Variants in MBD2 observed in about 807,000 individuals in gnomAD.
MBD2 encodes methyl-CpG-binding domain protein 2.
MBD2 carries 9 observed loss-of-function variants against 39.3 expected under a neutral mutation model. The ratio of observed to expected loss-of-function variants is 0.23; its 90% confidence interval spans 0.14 to 0.40. MBD2 has a LOEUF of 0.40. MBD2 is among the 10% of genes least tolerant of loss of function. The pLI, the probability that MBD2 is intolerant of heterozygous loss-of-function variation, is 1.00. For missense variants in MBD2, 458 were observed against 532.6 expected (o/e 0.86, Z 1.38); for synonymous variants, 233 against 211.1 (o/e 1.10, Z -0.90).
At chr18:54,202,622 T>C in intron 2 of MBD2, 3 of 731,706 alleles carry the variant, frequency 4.1e-6, no homozygotes, top group Non-Finnish European at 5.2e-6. Flanking sequence ...AGACCATGCC[T>C]CCAAAAATTA....
At chr18:54,179,518 T>C (rs990859291) in intron 3 of MBD2, among the ~76,000 whole-genome samples, 1 of 152,212 alleles carries the variant, frequency 6.6e-6, no homozygotes. Flanking sequence ...TACAACCACA[T>C]TGGGCTTACT....
chr18:54,199,295 A>G (rs1599097870), intron 2 of MBD2, among the ~76,000 whole-genome samples: 1 of 152,148 alleles, frequency 6.6e-6, no homozygotes, highest in Non-Finnish European at 1.5e-5. Flanking sequence ...GGCTAGACAA[A>G]GTCTTTATCC....
chr18:54,177,543 C>A (rs573722819), intron 3 of MBD2, among the ~76,000 whole-genome samples: 2 of 151,822 alleles, frequency 1.3e-5, no homozygotes, highest in Non-Finnish European at 2.9e-5. Flanking sequence ...TGCAGTGGCG[C>A]GATCTCGGCT....
chr18:54,200,059 ATAC>A lies in MBD2; in HGVS notation c.702+4936_702+4938del, dbSNP rs1451729453. Among the ~76,000 whole-genome samples, 4 of 152,346 alleles carry A rather than the reference ATAC, an allele frequency of 2.6e-5. No homozygotes were observed. The East Asian group carries it at 7.7e-4, about 29-fold the overall frequency. On this transcript the variant is annotated intron_variant, in intron 2 of 6. Transcript: ENST00000256429. ...AGTGTGTATTTATACTCACAAAAACATACTACCACCTTAAACCAAGATCATTCA... is the reference window on the plus strand; with the variant it reads ...AGTGTGTATTTATACTCACAAAAACATACCACCTTAAACCAAGATCATTCA...
intron 2 of MBD2, among the ~76,000 whole-genome samples, chr18:54,192,202 G>A (rs2086324694): frequency 6.6e-6 from 1 of 152,174 alleles, no homozygotes. Context: ...GGTATAATCA[G>A]TATGTATCAC....
intron 3 of MBD2, among the ~76,000 whole-genome samples, chr18:54,183,382 A>G (rs1427883414): frequency 6.6e-6 from 1 of 152,242 alleles, no homozygotes; most frequent in African/African-American, 2.4e-5. Flanking sequence ...AAAAGAATGC[A>G]TAGTATTCCC....
chr18:54,189,223 CTT>C (rs369129707), intron 2 of MBD2, among the ~76,000 whole-genome samples: 13 of 133,910 alleles, frequency 9.7e-5, no homozygotes, highest in African/African-American at 1.1e-4. Context: ...TTTTTGTATA[CTT>C]TTTTTTTTTT....
chr18:54,223,993 C>T (rs1279317225), intron 1 of MBD2, 25 bp downstream of exon 1: 3 of 1,556,118 alleles, frequency 1.9e-6, no homozygotes, highest in Admixed American at 1.7e-5. Flanking sequence ...ACCCCGCCAC[C>T]CCCTCCCCGC....
intron 1 of MBD2, among the ~76,000 whole-genome samples, chr18:54,222,691 A>C (rs559444415): frequency 4.2e-4 from 64 of 152,382 alleles, no homozygotes; most frequent in South Asian, 1.7e-3. Flanking sequence ...CAAGTGGAAG[A>C]CTAAGTTCTA....
chr18:54,195,908 A>G (rs1342152685), intron 2 of MBD2, among the ~76,000 whole-genome samples: 4 of 152,204 alleles, frequency 2.6e-5, no homozygotes, highest in Non-Finnish European at 5.9e-5. Flanking sequence ...GGTGTGCCTG[A>G]GTGATACCTT....
intron 6 of MBD2, among the ~76,000 whole-genome samples, chr18:54,157,078 G>GGACAGTAGA (rs2086057407): frequency 6.6e-6 from 1 of 151,930 alleles, no homozygotes; most frequent in South Asian, 2.1e-4. Context: ...CTGCAGCCGT[G>GGACAGTAGA]GACAGTAGAA....
chr18:54,186,292 C>G (rs2086285925), intron 3 of MBD2, among the ~76,000 whole-genome samples: 1 of 152,242 alleles, frequency 6.6e-6, no homozygotes, highest in Admixed American at 6.5e-5. Context: ...AATTCATTTA[C>G]TCTCTAATAA....
chr18:54,223,216 G>C (rs1293447496), intron 1 of MBD2, among the ~76,000 whole-genome samples: 2 of 152,242 alleles, frequency 1.3e-5, no homozygotes, highest in East Asian at 3.9e-4. Flanking sequence ...GCATGACCAC[G>C]GGATTGCAAG....
At chr18:54,164,861 A>T (rs1475021594) in intron 4 of MBD2, among the ~76,000 whole-genome samples, 161 bp from the exon 5 acceptor site, 2 of 152,254 alleles carry the variant, frequency 1.3e-5, no homozygotes, top group African/African-American at 4.8e-5. Flanking sequence ...CTTAATAGAT[A>T]TGACACACTA....
chr18:54,169,787 TAGGTATAAGGAAC>T (rs1215486513), intron 3 of MBD2, among the ~76,000 whole-genome samples: 1 of 152,158 alleles, frequency 6.6e-6, no homozygotes, highest in Non-Finnish European at 1.5e-5. Flanking sequence ...ATAAATAGAA[TAGGTATAAGGAAC>T]AGTGATTTAA....
At chr18:54,184,932 A>G (rs1366303535) in intron 3 of MBD2, among the ~76,000 whole-genome samples, 1 of 152,178 alleles carries the variant, frequency 6.6e-6, no homozygotes, top group Non-Finnish European at 1.5e-5. Flanking sequence ...GAATATATCC[A>G]CCATGAGACT....
chr18:54,188,783 C>T, intron 3 of MBD2, 91 bp downstream of exon 3: 8 of 1,347,628 alleles, frequency 5.9e-6, no homozygotes, highest in Non-Finnish European at 8.2e-6. Flanking sequence ...CAAATATACT[C>T]CATTTTAACC....
chr18:54,174,758 T>C (rs1196687202), intron 3 of MBD2, among the ~76,000 whole-genome samples: 6 of 152,238 alleles, frequency 3.9e-5, no homozygotes, highest in African/African-American at 9.6e-5. Flanking sequence ...TCCAAATAAA[T>C]GAAACATGAA....
At chr18:54,177,827 C>CTTTTTTTTT (rs34113185) in intron 3 of MBD2, among the ~76,000 whole-genome samples, 3 of 87,198 alleles carry the variant, frequency 3.4e-5, no homozygotes, top group Non-Finnish European at 6.2e-5. Flanking sequence ...TTTTTCCTCT[C>CTTTTTTTTT]TTTTTTTTTT....
Sources: gnomAD v4.1 joint callset for allele counts (sites outside exome capture counted in the v4.1 genomes callset) on GRCh38, gnomAD v4.1.1 for gene constraint, MANE v1.5 for transcripts, NCBI Gene and HGNC (gene_info 2026-07-23, HGNC 2026-07-21) for gene names.